Variants in NTM observed in about 807,000 individuals in gnomAD.
The protein encoded by NTM is IgLON family member 2.
Under a neutral mutation model 42.1 loss-of-function variants are expected in NTM, and 13 were observed. That is an observed-to-expected ratio of 0.31 (90% CI 0.20 to 0.49). The LOEUF (loss-of-function observed/expected upper bound fraction) is 0.49, where lower values mean the gene tolerates loss of function less well. Ranked by LOEUF, NTM falls within the 20% of genes least tolerant of loss-of-function variation. The probability of loss-of-function intolerance (pLI) is 0.99; values close to 1 mark genes in which losing one functional copy is unlikely to be tolerated. For synonymous variants in NTM, 187 were observed against 179.2 expected (o/e 1.04, Z -0.35); for missense variants, 373 against 452.8 (o/e 0.82, Z 1.60).
intron 1 of NTM, among the ~76,000 whole-genome samples, chr11:131,401,921 C>T (rs2135691414): frequency 7.0e-6 from 1 of 141,936 alleles, no homozygotes; most frequent in African/African-American, 2.6e-5. Context: ...ATGGCCATTC[C>T]TTGGCCTCTT....
chr11:131,534,799 C>T (rs528462212), intron 1 of NTM: 79 of 152,332 alleles, frequency 5.2e-4, no homozygotes, highest in African/African-American at 1.9e-3. Flanking sequence ...TGTGCTAAGG[C>T]CAAGCCAGGC....
chr11:131,810,096 G>A (rs915896634), intron 1 of NTM, among the ~76,000 whole-genome samples: 3 of 152,020 alleles, frequency 2.0e-5, no homozygotes, highest in African/African-American at 7.2e-5. Flanking sequence ...TCTCGAGAAA[G>A]AGGGTTCATT....
chr11:131,878,723 G>C (rs2048987579), intron 1 of NTM, among the ~76,000 whole-genome samples: 2 of 147,972 alleles, frequency 1.4e-5, no homozygotes, highest in Non-Finnish European at 1.5e-5. Flanking sequence ...CATAGCCATT[G>C]CCATTTTTAT....
At chr11:131,688,266 AGG>A (rs1491169801) in intron 1 of NTM, among the ~76,000 whole-genome samples, 1 of 152,016 alleles carries the variant, frequency 6.6e-6, no homozygotes, top group Non-Finnish European at 1.5e-5. Context: ...GACTCCAGAC[AGG>A]GGGGAAAGCA....
intron 1 of NTM, among the ~76,000 whole-genome samples, chr11:131,769,331 A>G (rs2085658502): frequency 6.6e-6 from 1 of 151,916 alleles, no homozygotes; most frequent in African/African-American, 2.4e-5. Flanking sequence ...TACTGAAGCT[A>G]CTCTTTCAAT....
chr11:131,699,922 G>A (rs1268786246), intron 1 of NTM, among the ~76,000 whole-genome samples: 3 of 97,256 alleles, frequency 3.1e-5, no homozygotes, highest in African/African-American at 1.2e-4. Flanking sequence ...GTGTGTGTGT[G>A]TGTGTGTGTG....
intron 1 of NTM, among the ~76,000 whole-genome samples, chr11:131,492,550 A>G (rs1439375860): frequency 2.0e-5 from 3 of 152,074 alleles, no homozygotes; most frequent in Non-Finnish European, 4.4e-5. Flanking sequence ...CACAAGCCAC[A>G]CTCTCTCCTG....
chr11:132,229,104 TC>T (rs2086911789), intron 4 of NTM, among the ~76,000 whole-genome samples: 1 of 152,232 alleles, frequency 6.6e-6, no homozygotes, highest in African/African-American at 2.4e-5. Context: ...ATCACCGTGA[TC>T]ACCTCCTTCC....
chr11:131,627,661 T>C (rs1194467725), intron 1 of NTM, among the ~76,000 whole-genome samples: 1 of 151,958 alleles, frequency 6.6e-6, no homozygotes, highest in East Asian at 1.9e-4. Context: ...TTACACCCCA[T>C]CTCTACAAAA....
intron 4 of NTM, among the ~76,000 whole-genome samples, chr11:132,259,415 C>G (rs977334258): frequency 4.6e-5 from 7 of 152,210 alleles, no homozygotes; most frequent in Non-Finnish European, 7.4e-5. Flanking sequence ...GGCTTGGTGG[C>G]TCGTGCCTGT....
chr11:132,137,535 C>A (rs1245956251), intron 2 of NTM, among the ~76,000 whole-genome samples: 1 of 152,178 alleles, frequency 6.6e-6, no homozygotes, highest in East Asian at 1.9e-4. Context: ...AGTCAGGGAT[C>A]CTACAGGGAA....
chr11:132,171,052 A>G (rs1360876491), intron 3 of NTM, among the ~76,000 whole-genome samples: 2 of 152,168 alleles, frequency 1.3e-5, no homozygotes, highest in Non-Finnish European at 2.9e-5. Flanking sequence ...AGAATCGTTC[A>G]CTAAATGTCA....
intron 1 of NTM, among the ~76,000 whole-genome samples, chr11:131,810,505 A>G (rs1004451591): frequency 1.3e-5 from 2 of 152,214 alleles, no homozygotes; most frequent in Admixed American, 1.3e-4. Flanking sequence ...GGGAGACTCG[A>G]GCAGCCAGAC....
chr11:132,098,049 G>A (rs2061229738), intron 2 of NTM, among the ~76,000 whole-genome samples: 1 of 152,216 alleles, frequency 6.6e-6, no homozygotes, highest in Non-Finnish European at 1.5e-5. Context: ...AATATCCATT[G>A]ATCCTGCTAG....
At chr11:131,861,086 C>A (rs889677327) in intron 1 of NTM, among the ~76,000 whole-genome samples, 2 of 152,102 alleles carry the variant, frequency 1.3e-5, no homozygotes, top group African/African-American at 4.8e-5. Flanking sequence ...CCATGGGTAT[C>A]CTGTTACTGA....
At chr11:131,485,100 T>A (rs182055190) in intron 1 of NTM, among the ~76,000 whole-genome samples, 1 of 152,346 alleles carries the variant, frequency 6.6e-6, no homozygotes, top group Non-Finnish European at 1.5e-5. Context: ...AACCACTTGT[T>A]GTTTCTGCCC....
chr11:132,335,728 A>G lies in NTM; in HGVS notation c.*582A>G, dbSNP rs1481366073. 6.8e-6 allele frequency: 1 copy of G among 147,922 alleles called. No homozygotes were observed. The highest frequency in any genetic ancestry group is 1.5e-5 in the Non-Finnish European group (1 of 67,784). The allele number at this position is 147,922 out of a possible 1,614,324, so 9.2% of individuals were successfully genotyped here. A position where few individuals can be genotyped will look rare whatever the true frequency, so the allele number is the denominator to read the frequency against. Reference sequence around the variant, plus strand: ...AACAAGTCACAAAAGATACCGTTAAACTTTTTTTTTTTTTTATCATTTTAC... The same window carrying G: ...AACAAGTCACAAAAGATACCGTTAAGCTTTTTTTTTTTTTTATCATTTTAC... On this transcript the variant is annotated 3_prime_UTR_variant, in exon 9 of 9. Coordinates refer to ENST00000683400, the MANE Select transcript of NTM (RefSeq NM_001352005.2).
intron 1 of NTM, among the ~76,000 whole-genome samples, chr11:131,741,181 G>GAA (rs2081152415): frequency 9.3e-6 from 1 of 107,152 alleles, no homozygotes; most frequent in African/African-American, 2.9e-5. Context: ...GAGAGAGAGA[G>GAA]AGAGAGAGAG....
intron 1 of NTM, among the ~76,000 whole-genome samples, chr11:131,590,371 A>G (rs1275121008): frequency 6.6e-6 from 1 of 152,206 alleles, no homozygotes; most frequent in East Asian, 1.9e-4. Flanking sequence ...AAAACAGCAA[A>G]CAGGTTGATA....
Sources: allele counts gnomAD v4.1 joint callset (sites outside exome capture counted in the v4.1 genomes callset), GRCh38; gene constraint gnomAD v4.1.1; transcripts MANE v1.5; gene names NCBI Gene and HGNC (gene_info 2026-07-23, HGNC 2026-07-21).